The following SETBP1 variants were observed in gnomAD, a reference collection of about 807,000 sequenced individuals.
The protein encoded by SETBP1 is SET-binding protein.
Under a neutral mutation model 101.0 loss-of-function variants are expected in SETBP1, and 9 were observed. The observed-to-expected ratio is 0.09, with a 90% CI of 0.05 to 0.16. The LOEUF is 0.16. Among genes scored for constraint, SETBP1 ranks in the 10% least tolerant of loss-of-function variants. SETBP1 has a pLI of 1.00. For missense variants in SETBP1, 1,858 were observed against 2,033.8 expected, an observed-to-expected ratio of 0.91 and a Z score of 1.66; for synonymous variants, 818 against 788.5, an observed-to-expected ratio of 1.04 and a Z score of -0.63.
At chr18:44,709,744 G>C (rs1010294706) in intron 2 of SETBP1, among the ~76,000 whole-genome samples, 1 of 152,120 alleles carries the variant, frequency 6.6e-6, no homozygotes, top group Admixed American at 6.5e-5. Flanking sequence ...ATGTTAGCTG[G>C]GGGGCAGCAC....
intron 5 of SETBP1, among the ~76,000 whole-genome samples, chr18:45,052,134 C>T (rs919504169): frequency 7.2e-5 from 11 of 152,222 alleles, no homozygotes; most frequent in African/African-American, 2.7e-4. Context: ...AATGTTTATT[C>T]CAAGCATGAA....
At chr18:44,763,251 G>A (rs935589134) in intron 2 of SETBP1, among the ~76,000 whole-genome samples, 1 of 152,186 alleles carries the variant, frequency 6.6e-6, no homozygotes, top group African/African-American at 2.4e-5. Context: ...GAAATAGTAG[G>A]TCATAGAAGA....
At chr18:44,862,259 A>G (rs769199327) in intron 2 of SETBP1, among the ~76,000 whole-genome samples, 1 of 152,210 alleles carries the variant, frequency 6.6e-6, no homozygotes, top group Non-Finnish European at 1.5e-5. Flanking sequence ...TAAAAGAAAA[A>G]TATAAGGAAT....
At chr18:44,807,646 C>T (rs1354420089) in intron 2 of SETBP1, among the ~76,000 whole-genome samples, 1 of 152,140 alleles carries the variant, frequency 6.6e-6, no homozygotes, top group Non-Finnish European at 1.5e-5. Flanking sequence ...TTTATGCCTC[C>T]TTGATTAATT....
At chr18:44,838,085 A>G (rs1049273394) in intron 2 of SETBP1, among the ~76,000 whole-genome samples, 1 of 152,158 alleles carries the variant, frequency 6.6e-6, no homozygotes, top group African/African-American at 2.4e-5. Context: ...TCCCAGGCTT[A>G]AGGATTCTTC....
rs1335918570 is a variant in SETBP1, at chr18:44,892,216, A to G, written c.540+22933A>G. 5.3e-5 allele frequency among the ~76,000 whole-genome samples: 8 copies of G among 152,192 alleles called. No individual in the cohort carries two copies. In the East Asian group the frequency reaches 1.5e-3, roughly 29 times the overall value. ...AAAGAGAAGTAAGCAAAACAAAAAT[A>G]AAATTCCACTGGCTCTCCACTATGG... is the stretch of plus-strand genomic sequence containing the variant. On this transcript the variant is annotated intron_variant, in intron 3 of 5. Transcript: ENST00000649279.
chr18:44,816,531 G>A (rs1023872414), intron 2 of SETBP1, among the ~76,000 whole-genome samples: 4 of 152,160 alleles, frequency 2.6e-5, no homozygotes, highest in African/African-American at 9.7e-5. Flanking sequence ...GCCTTTACTA[G>A]AAGGAAAATT....
chr18:44,818,251 TGC>T (rs528801272), intron 2 of SETBP1, among the ~76,000 whole-genome samples: 6 of 152,322 alleles, frequency 3.9e-5, no homozygotes, highest in Admixed American at 3.9e-4. Context: ...TTTTTTCACA[TGC>T]AGAAAGGAAT....
At chr18:45,016,884 G>C (rs2072958145) in intron 4 of SETBP1, among the ~76,000 whole-genome samples, 1 of 145,528 alleles carries the variant, frequency 6.9e-6, no homozygotes, top group Non-Finnish European at 1.5e-5. Flanking sequence ...GTAAAAATTA[G>C]CAGGAGCCTT....
At chr18:44,825,186 G>C (rs754978955) in intron 2 of SETBP1, among the ~76,000 whole-genome samples, 6 of 152,210 alleles carry the variant, frequency 3.9e-5, no homozygotes, top group Non-Finnish European at 8.8e-5. Context: ...CTGTTTCCAA[G>C]GGAATTTCAG....
chr18:44,881,061 T>A (rs2069520341), intron 3 of SETBP1, among the ~76,000 whole-genome samples: 1 of 152,158 alleles, frequency 6.6e-6, no homozygotes, highest in South Asian at 2.1e-4. Context: ...ATTCTGACAT[T>A]TCTGTAATGC....
intron 4 of SETBP1, among the ~76,000 whole-genome samples, chr18:44,973,030 C>G (rs1012336230): frequency 1.3e-5 from 2 of 152,056 alleles, no homozygotes; most frequent in Non-Finnish European, 2.9e-5. Context: ...AGATAGCTGT[C>G]ATTATTTTGA....
intron 5 of SETBP1, among the ~76,000 whole-genome samples, chr18:45,053,947 C>T (rs1315673372): frequency 6.6e-6 from 1 of 152,180 alleles, no homozygotes; most frequent in African/African-American, 2.4e-5. Context: ...CAACCACCCC[C>T]ACTGTGTGAC....
intron 2 of SETBP1, among the ~76,000 whole-genome samples, chr18:44,753,478 T>A (rs1354714772): frequency 3.3e-5 from 5 of 152,256 alleles, no homozygotes; most frequent in African/African-American, 1.2e-4. Context: ...GACAGACTTG[T>A]GTATTAGAAG....
intron 4 of SETBP1, among the ~76,000 whole-genome samples, chr18:44,976,322 A>G (rs1194391590): frequency 2.6e-5 from 4 of 152,208 alleles, no homozygotes; most frequent in Admixed American, 1.3e-4. Context: ...CTTGGCTCGC[A>G]TTTGAGATAT....
At chr18:44,685,300 A>T (rs2068818486) in intron 1 of SETBP1, among the ~76,000 whole-genome samples, 2 of 152,108 alleles carry the variant, frequency 1.3e-5, no homozygotes, top group Admixed American at 6.6e-5. Context: ...CACCAAAAAT[A>T]CCCCCTTTCA....
chr18:44,957,779 A>G (rs1017965371), intron 4 of SETBP1, among the ~76,000 whole-genome samples: 1 of 152,246 alleles, frequency 6.6e-6, no homozygotes, highest in African/African-American at 2.4e-5. Flanking sequence ...CATGAAAACT[A>G]TACAAAGGAA....
chr18:44,812,080 G>C (rs1357084700), intron 2 of SETBP1, among the ~76,000 whole-genome samples: 1 of 152,096 alleles, frequency 6.6e-6, no homozygotes. Flanking sequence ...GGCCTGCAGA[G>C]AAGTGGAGGT....
chr18:44,914,844 A>G (rs150717609), intron 3 of SETBP1, among the ~76,000 whole-genome samples: 267 of 152,192 alleles, frequency 1.8e-3, no homozygotes, highest in African/African-American at 6.2e-3. Context: ...CTGGAGCTCT[A>G]TCAACCCCAA....
Sources: gnomAD v4.1 joint callset for allele counts (sites outside exome capture counted in the v4.1 genomes callset) on GRCh38, gnomAD v4.1.1 for gene constraint, MANE v1.5 for transcripts, NCBI Gene and HGNC (gene_info 2026-07-23, HGNC 2026-07-21) for gene names.